NCOR2: variants seen among roughly 807,000 people sequenced by gnomAD.
The protein encoded by NCOR2 is nuclear receptor corepressor 2, also known as CTG repeat protein 26.
NCOR2 carries 81 observed loss-of-function variants against 262.9 expected under a neutral mutation model. The ratio of observed to expected loss-of-function variants is 0.31; its 90% confidence interval spans 0.26 to 0.37. The LOEUF is 0.37. Ranked by LOEUF, NCOR2 falls within the 10% of genes least tolerant of loss-of-function variation. NCOR2 has a pLI of 1.00. For missense variants in NCOR2, 3,385 were observed against 3,621.4 expected (o/e 0.93, Z 1.68); for synonymous variants, 1,659 against 1,559.3 (o/e 1.06, Z -1.51).
intron 1 of NCOR2, among the ~76,000 whole-genome samples, chr12:124,545,513 G>A (rs569458703): frequency 6.6e-6 from 1 of 152,194 alleles, no homozygotes; most frequent in South Asian, 2.1e-4. Context: ...CGACACACGG[G>A]GACCCTCGAA....
At chr12:124,408,489 G>A (rs947628735) in intron 13 of NCOR2, among the ~76,000 whole-genome samples, 8 of 152,288 alleles carry the variant, frequency 5.3e-5, no homozygotes, top group African/African-American at 1.9e-4. Flanking sequence ...ACTCACACTT[G>A]TAATCTCAGT....
chr12:124,528,493 A>G (rs895489225), intron 1 of NCOR2, among the ~76,000 whole-genome samples: 1 of 152,152 alleles, frequency 6.6e-6, no homozygotes, highest in African/African-American at 2.4e-5. Flanking sequence ...CCTTGCCCCA[A>G]AATAGCTCCC....
chr12:124,526,424 G>A (rs2050472747), intron 1 of NCOR2, among the ~76,000 whole-genome samples: 1 of 152,210 alleles, frequency 6.6e-6, no homozygotes, highest in Non-Finnish European at 1.5e-5. Flanking sequence ...TAGAGGCCCA[G>A]ACATCCCAAG....
At chr12:124,451,494 G>A (rs112351984) in intron 6 of NCOR2, among the ~76,000 whole-genome samples, 4,926 of 152,244 alleles carry the variant, frequency 0.032, 88 homozygotes, top group Middle Eastern at 0.048. Context: ...ATGACAGCCC[G>A]CCTCTCAGCC....
At chr12:124,341,488 C>T (rs185796434) in intron 34 of NCOR2, among the ~76,000 whole-genome samples, 11 of 152,318 alleles carry the variant, frequency 7.2e-5, no homozygotes, top group Non-Finnish European at 1.0e-4. Context: ...CCACCTGCCT[C>T]GCCCTCCCCA....
At chr12:124,334,513 G>T in exon 41 of NCOR2, 1 of 1,445,020 alleles carries the variant, frequency 6.9e-7, no homozygotes, top group Non-Finnish European at 9.1e-7. Context: ...GGCGGCGGAG[G>T]TCCAGGACGG....
At chr12:124,433,322 C>T (rs1440169047) in intron 8 of NCOR2, among the ~76,000 whole-genome samples, 5 of 152,232 alleles carry the variant, frequency 3.3e-5, no homozygotes, top group Non-Finnish European at 7.3e-5. Flanking sequence ...CATGCCACCT[C>T]GGCCCCTGTC....
chr12:124,565,413 A>AC (rs928557697), intron 1 of NCOR2, among the ~76,000 whole-genome samples: 13 of 151,490 alleles, frequency 8.6e-5, no homozygotes, highest in South Asian at 2.1e-4. Context: ...CGCTGGCTCC[A>AC]CCCCCCCTTC....
chr12:124,466,690 A>G (rs919949961), intron 4 of NCOR2, among the ~76,000 whole-genome samples: 1 of 152,140 alleles, frequency 6.6e-6, no homozygotes, highest in Non-Finnish European at 1.5e-5. Flanking sequence ...ATTATTACCC[A>G]TTACGGTTCC....
chr12:124,354,990 C>A, intron 24 of NCOR2, 51 bp from the exon 27 acceptor site: 1 of 1,517,280 alleles, frequency 6.6e-7, no homozygotes. Flanking sequence ...CCCTCCCCCA[C>A]AGTCCAGAGT....
chr12:124,559,796 C>G (rs1009815248), intron 1 of NCOR2, among the ~76,000 whole-genome samples: 6 of 152,346 alleles, frequency 3.9e-5, no homozygotes, highest in Non-Finnish European at 8.8e-5. Flanking sequence ...AAATTTGGCT[C>G]TGAGCTTCCT....
intron 1 of NCOR2, among the ~76,000 whole-genome samples, chr12:124,533,213 G>A (rs1048047329): frequency 6.6e-6 from 1 of 151,572 alleles, no homozygotes; most frequent in Non-Finnish European, 1.5e-5. Context: ...CCTGCCTAGT[G>A]GGGGGCCCCC....
At chr12:124,532,567 C>T (rs2050863558) in intron 1 of NCOR2, among the ~76,000 whole-genome samples, 1 of 152,234 alleles carries the variant, frequency 6.6e-6, no homozygotes, top group African/African-American at 2.4e-5. Context: ...CCCGGCCTCC[C>T]TCAGATGTGA....
chr12:124,340,822 A>C, intron 34 of NCOR2, 71 bp from the exon 37 acceptor site: 4 of 1,390,632 alleles, frequency 2.9e-6, no homozygotes, highest in Non-Finnish European at 2.8e-6. Context: ...CGGCCAGATC[A>C]CCCTCCTGGA....
In NCOR2 at chr12:124,362,138, CG is replaced by C. The variant is rs868421130; in HGVS notation, c.3087del (p.Ala1030ProfsTer33). On this transcript the variant is annotated frameshift_variant, in exon 22 of 47. Coordinates refer to ENST00000405201, the Ensembl canonical transcript of NCOR2. LOFTEE classifies it high-confidence loss of function. ...GGTGTGCACTCACCCTCCTTGTCGGCGGGGGGTGCCGGGCTCCTGCTCTTGC... is the reference window on the plus strand; with the variant it reads ...GGTGTGCACTCACCCTCCTTGTCGGCGGGGGTGCCGGGCTCCTGCTCTTGC... 7.7e-7 allele frequency: 1 copy of C among 1,300,612 alleles called. No homozygotes were observed. 80.6% of individuals were successfully genotyped at this position (1,300,612 alleles called of 1,614,324 possible).
Position 124,550,349 on chromosome 12 carries a change from G to GAC in NCOR2, c.-164-14740_-164-14739dup, listed in dbSNP as rs58552761. On this transcript the variant is annotated intron_variant, in intron 1 of 32. Transcript: ENST00000458234. ...CCTAATGGAAGGAAGGCAGAGGCGG[G>GAC]ACCTGAACCCAGGTCCCACTGACTC... is the stretch of plus-strand genomic sequence containing the variant. Among the ~76,000 whole-genome samples, 2,147 of 152,246 alleles carry GAC rather than the reference G, an allele frequency of 0.014. 135 individuals are homozygous for GAC. In the East Asian group the frequency reaches 0.18, roughly 13 times the overall value.
intron 37 of NCOR2, 101 bp downstream of exon 39, chr12:124,339,904 CA>C: frequency 6.4e-6 from 5 of 776,824 alleles, no homozygotes; most frequent in Non-Finnish European, 1.0e-5. Context: ...CCCACCCACC[CA>C]CCTCCCATAT....
exon 15 of NCOR2, chr12:124,400,542 T>C (rs1213438876): frequency 6.2e-7 from 1 of 1,614,198 alleles, no homozygotes; most frequent in East Asian, 2.2e-5. Context: ...CTCCTCGCTG[T>C]TGGCCTCATT....
At chr12:124,528,037 G>A (rs151283712) in intron 1 of NCOR2, among the ~76,000 whole-genome samples, 5 of 152,272 alleles carry the variant, frequency 3.3e-5, no homozygotes, top group South Asian at 4.2e-4. Flanking sequence ...AGGATGGCCC[G>A]AGGCCTCCTG....
Sources: gnomAD v4.1 joint callset for allele counts (sites outside exome capture counted in the v4.1 genomes callset) on GRCh38, gnomAD v4.1.1 for gene constraint, MANE v1.5 for transcripts, NCBI Gene and HGNC (gene_info 2026-07-23, HGNC 2026-07-21) for gene names.